FXN: variants seen among roughly 807,000 people sequenced by gnomAD.
The protein encoded by FXN is frataxin, also known as frataxin, mitochondrial.
Under a neutral mutation model 22.4 loss-of-function variants are expected in FXN, and 14 were observed. The ratio of observed to expected loss-of-function variants is 0.62; its 90% CI spans 0.41 to 0.98. The LOEUF is 0.98. Among genes scored for constraint, FXN ranks in the 50% least tolerant of loss-of-function variants. The pLI is 0.00. For synonymous variants in FXN, 120 were observed against 114.1 expected (o/e 1.05, Z -0.33); for missense variants, 267 against 268.4 (o/e 0.99, Z 0.04).
chr9:69,073,768 G>A lies in FXN; in HGVS notation c.*1006G>A. The A allele has an allele frequency of 1.0e-6, 1 of 985,384 alleles. No individual in the cohort carries two copies. Among genetic ancestry groups the A allele is most frequent in the Non-Finnish European group, 1.2e-6 (1 of 829,924 alleles). 61.0% of individuals were successfully genotyped at this position (985,384 alleles called of 1,614,324 possible). On this transcript the variant is annotated 3_prime_UTR_variant, in exon 5 of 5. Coordinates refer to ENST00000484259, the MANE Select transcript of FXN (RefSeq NM_000144.5). ...AGTGGTCCTGTCAAGCAACCTAACA[G>A]GCTAGTTCTAATTCCCTATTGGGTA...
rs1029625644 is a variant in FXN, at chr9:69,073,526, G to A, written c.*764G>A. On this transcript the variant is annotated 3_prime_UTR_variant, in exon 5 of 5. Transcript: ENST00000484259. ...GTTTTCATGAGCTGAGTGATGTAGC[G>A]TAACAAACAAAATCATGGAGCTGAG... is the stretch of plus-strand genomic sequence containing the variant. The A allele has an allele frequency of 2.0e-5, 20 of 985,312 alleles. No individual in the cohort carries two copies. Among genetic ancestry groups the A allele is most frequent in the African/African-American group, 8.7e-5 (5 of 57,222 alleles). 61.0% of individuals were successfully genotyped at this position (985,312 alleles called of 1,614,324 possible). A position where few individuals can be genotyped will look rare whatever the true frequency, so the allele number is the denominator to read the frequency against.
rs987900795 is a variant in FXN, at chr9:69,078,492, T to C, written c.*5730T>C. ...TAGCTACACAGTCTCCAGGGTAAGCTTTCAGAAAGGCAATCTCTTGTCTGT... is the reference window on the plus strand; with the variant it reads ...TAGCTACACAGTCTCCAGGGTAAGCCTTCAGAAAGGCAATCTCTTGTCTGT... On this transcript the variant is annotated 3_prime_UTR_variant, in exon 5 of 5. Transcript: ENST00000484259. 91 of 959,952 alleles carry C rather than the reference T, an allele frequency of 9.5e-5. No homozygotes were observed. In the African/African-American group the frequency reaches 1.5e-3, roughly 15 times the overall value. 59.5% of individuals were successfully genotyped at this position (959,952 alleles called of 1,614,324 possible). A position where few individuals can be genotyped will look rare whatever the true frequency, so the allele number is the denominator to read the frequency against.
chr9:69,053,003 A>C (rs970533112), intron 2 of FXN, 137 bp from the exon 3 acceptor site: 14 of 1,028,942 alleles, frequency 1.4e-5, no homozygotes, highest in Non-Finnish European at 1.9e-5. Context: ...AAAAAAAAAA[A>C]AAAGAAAGAA....
chr9:69,067,580 C>T (rs968180300), intron 4 of FXN, among the ~76,000 whole-genome samples: 3 of 152,170 alleles, frequency 2.0e-5, no homozygotes, highest in Admixed American at 2.0e-4. Flanking sequence ...AAAAGATTTC[C>T]AGAAGCTGTT....
chr9:69,042,627 C>T (rs1225207542), intron 1 of FXN, among the ~76,000 whole-genome samples: 1 of 152,132 alleles, frequency 6.6e-6, no homozygotes, highest in Non-Finnish European at 1.5e-5. Flanking sequence ...CTACTTGTGC[C>T]TTTGAAGGAG....
intron 1 of FXN, among the ~76,000 whole-genome samples, chr9:69,039,274 C>G (rs1831614319): frequency 6.6e-6 from 1 of 151,414 alleles, no homozygotes; most frequent in South Asian, 2.1e-4. Flanking sequence ...AAAAAAGGCT[C>G]CTAATAACTT....
At chr9:69,062,854 G>A (rs1183089611) in intron 3 of FXN, among the ~76,000 whole-genome samples, 1 of 150,810 alleles carries the variant, frequency 6.6e-6, no homozygotes, top group Non-Finnish European at 1.5e-5. Flanking sequence ...TGGTTAATAT[G>A]GTAAATTTAG....
intron 4 of FXN, among the ~76,000 whole-genome samples, chr9:69,065,498 G>A (rs899585320): frequency 6.8e-5 from 10 of 146,076 alleles, no homozygotes; most frequent in South Asian, 2.1e-4. Context: ...CCAAGATCGC[G>A]CCACTGCACT....
rs138471431 is a variant in FXN, at chr9:69,065,016, T to C, written c.463T>C (p.Trp155Arg). 1 of 1,613,908 alleles carries C rather than the reference T, an allele frequency of 6.2e-7. No homozygotes were observed. The highest frequency in any genetic ancestry group is 8.5e-7 in the Non-Finnish European group (1 of 1,179,798). Residue 155 changes from tryptophan to arginine, a missense_variant, in exon 4 of 5, where the codon TGG becomes CGG. By Grantham distance (101) the Trp-to-Arg change is moderately radical. Coordinates refer to ENST00000484259, the MANE Select transcript of FXN (RefSeq NM_000144.5). ...CAAGCAGACGCCAAACAAGCAAATC[T>C]GGCTATCTTCTCCATCCAGGTATGT... is the stretch of plus-strand genomic sequence containing the variant. ...INKQTPNKQI[W>R]LSSPSSGPKR... is the part of the protein sequence containing the mutation.
At position 69,078,003 on chromosome 9, in the gene FXN, C is replaced by G; in HGVS notation, c.*5241C>G. On this transcript the variant is annotated 3_prime_UTR_variant, in exon 5 of 5. Transcript: ENST00000484259. The stretch of plus-strand genomic sequence containing the variant: ...ATTATATAGAAAAATAAGACAATAT[C>G]ATTTCCCAATTACATTCCTTTCCTA... The G allele has an allele frequency of 1.0e-6, 1 of 985,314 alleles. No homozygotes were observed. The highest frequency in any genetic ancestry group is 1.2e-6 in the Non-Finnish European group (1 of 829,846). 61.0% of individuals were successfully genotyped at this position (985,314 alleles called of 1,614,324 possible). A position where few individuals can be genotyped will look rare whatever the true frequency, so the allele number is the denominator to read the frequency against.
At chr9:69,059,992 A>G (rs895505082) in intron 3 of FXN, among the ~76,000 whole-genome samples, 4 of 152,178 alleles carry the variant, frequency 2.6e-5, no homozygotes, top group Non-Finnish European at 4.4e-5. Flanking sequence ...ATATGTGTCT[A>G]TTTCTACAAG....
In FXN at chr9:69,076,669, T is replaced by G. The variant is rs1476105723; in HGVS notation, c.*3907T>G. ...CCCATGTTCATAGTGATGGAGTTTG[T>G]GTGGACTAACCATGCAAGGTTGCCA... On this transcript the variant is annotated 3_prime_UTR_variant, in exon 5 of 5. Coordinates refer to ENST00000484259, the MANE Select transcript of FXN (RefSeq NM_000144.5). 2.0e-6 allele frequency: 2 copies of G among 985,344 alleles called. No homozygotes were observed. Among genetic ancestry groups the G allele is most frequent in the Admixed American group, 6.1e-5 (1 of 16,268 alleles). 61.0% of individuals were successfully genotyped at this position (985,344 alleles called of 1,614,324 possible).
chr9:69,049,699 T>A (rs1250562520), intron 2 of FXN, among the ~76,000 whole-genome samples: 1 of 151,986 alleles, frequency 6.6e-6, no homozygotes, highest in Non-Finnish European at 1.5e-5. Flanking sequence ...AATGCAAGGG[T>A]TTTTAGTATA....
At chr9:69,043,520 G>A (rs113196649) in intron 1 of FXN, 24,202 of 152,190 alleles carry the variant, frequency 0.16, 2,054 homozygotes, top group Middle Eastern at 0.21. Flanking sequence ...TCTGGCTCAA[G>A]CAATCCTCCC....
In FXN at chr9:69,039,851, T is replaced by A. The variant is rs538176349; in HGVS notation, c.165+3904T>A. ...TCTTACTGCTCTGGAGGCTGAGAAG[T>A]CCAAAGTCAAGTCCCTTCTTGCTGG... is the stretch of plus-strand genomic sequence containing the variant. On this transcript the variant is annotated intron_variant, in intron 1 of 4. Coordinates refer to ENST00000484259, the MANE Select transcript of FXN (RefSeq NM_000144.5). Among the ~76,000 whole-genome samples the A allele has an allele frequency of 9.8e-5, 15 of 152,286 alleles. No homozygotes were observed. In the South Asian group the frequency reaches 3.1e-3, roughly 32 times the overall value.
intron 4 of FXN, among the ~76,000 whole-genome samples, chr9:69,070,928 C>G (rs868551869): frequency 6.6e-6 from 1 of 151,946 alleles, no homozygotes; most frequent in Non-Finnish European, 1.5e-5. Flanking sequence ...ACATCAGCCT[C>G]CCAAAGTGCT....
intron 1 of FXN, among the ~76,000 whole-genome samples, chr9:69,044,397 T>A (rs1831710672): frequency 6.6e-6 from 1 of 152,198 alleles, no homozygotes; most frequent in Non-Finnish European, 1.5e-5. Flanking sequence ...GTCTGCACTC[T>A]GCCCCACCCT....
intron 4 of FXN, among the ~76,000 whole-genome samples, chr9:69,070,208 G>A (rs1316181120): frequency 3.0e-4 from 45 of 150,068 alleles, no homozygotes; most frequent in Non-Finnish European, 4.9e-4. Flanking sequence ...CAGCCTGGGT[G>A]ACACAGTGAG....
In FXN at chr9:69,077,467, T is replaced by C. The variant is rs1832391211; in HGVS notation, c.*4705T>C. Reference sequence around the variant, plus strand: ...TTTATTTAGACAGTTGAGGAAAACATCAGCACCCAGCAGTAAAATTGGCTC... The same window carrying C: ...TTTATTTAGACAGTTGAGGAAAACACCAGCACCCAGCAGTAAAATTGGCTC... On this transcript the variant is annotated 3_prime_UTR_variant, in exon 5 of 5. Coordinates refer to ENST00000484259, the MANE Select transcript of FXN (RefSeq NM_000144.5). 1 of 985,316 alleles carries C rather than the reference T, an allele frequency of 1.0e-6. No individual in the cohort carries two copies. Among genetic ancestry groups the C allele is most frequent in the African/African-American group, 1.7e-5 (1 of 57,248 alleles). The allele number at this position is 985,316 out of a possible 1,614,324, so 61.0% of individuals were successfully genotyped here.
Sources: gnomAD v4.1 joint callset for allele counts (sites outside exome capture counted in the v4.1 genomes callset) on GRCh38, gnomAD v4.1.1 for gene constraint, MANE v1.5 for transcripts, NCBI Gene and HGNC (gene_info 2026-07-23, HGNC 2026-07-21) for gene names.